RARB: variants seen among roughly 807,000 people sequenced by gnomAD.
The protein encoded by RARB is HBV-activated protein.
A neutral mutation model predicts 51.9 loss-of-function variants in RARB; 17 were observed. The observed-to-expected ratio is 0.33, with a 90% CI of 0.22 to 0.49. The LOEUF (loss-of-function observed/expected upper bound fraction) is 0.49. Ranked by LOEUF, RARB falls within the 20% of genes least tolerant of loss-of-function variation. RARB has a pLI of 0.99. For missense variants in RARB, 369 were observed against 550.8 expected (o/e 0.67, Z 3.30); for synonymous variants, 215 against 195.4 (o/e 1.10, Z -0.84).
chr3:24,874,102 A>G (rs991493187), intron 2 of RARB, among the ~76,000 whole-genome samples: 6 of 151,976 alleles, frequency 3.9e-5, no homozygotes, highest in Admixed American at 6.6e-5. Flanking sequence ...TGCAAATACT[A>G]CTCCATAGGA....
intron 2 of RARB, among the ~76,000 whole-genome samples, chr3:24,879,707 A>G (rs1703119477): frequency 6.6e-6 from 1 of 152,080 alleles, no homozygotes; most frequent in African/African-American, 2.4e-5. Context: ...GGGATTTAGG[A>G]TCACCGTGGC....
At chr3:24,867,037 A>C (rs1441377075) in intron 2 of RARB, among the ~76,000 whole-genome samples, 1 of 152,064 alleles carries the variant, frequency 6.6e-6, no homozygotes, top group Non-Finnish European at 1.5e-5. Context: ...TATGCAAAAA[A>C]CGTGAAAAGG....
At chr3:24,966,485 A>G (rs1169599868) in intron 2 of RARB, among the ~76,000 whole-genome samples, 1 of 152,056 alleles carries the variant, frequency 6.6e-6, no homozygotes, top group Non-Finnish European at 1.5e-5. Context: ...TTCCCTGGTG[A>G]TATTTTATGG....
At chr3:24,872,069 A>G (rs1208099305) in intron 2 of RARB, among the ~76,000 whole-genome samples, 2 of 152,170 alleles carry the variant, frequency 1.3e-5, no homozygotes, top group Non-Finnish European at 2.9e-5. Flanking sequence ...AAGTTAGGTC[A>G]TGACACTTCT....
At chr3:25,218,679 G>T (rs1408557940) in intron 5 of RARB, among the ~76,000 whole-genome samples, 1 of 152,158 alleles carries the variant, frequency 6.6e-6, no homozygotes, top group Non-Finnish European at 1.5e-5. Flanking sequence ...TTGCTATAGG[G>T]TTTGACCATA....
Position 25,069,670 on chromosome 3 carries a change from G to A in RARB, c.-328+9494G>A, listed in dbSNP as rs370173707. Among the ~76,000 whole-genome samples the A allele has an allele frequency of 5.3e-5, 8 of 152,118 alleles. No individual in the cohort carries two copies. In the East Asian group the frequency reaches 5.8e-4, roughly 11 times the overall value. On this transcript the variant is annotated intron_variant, in intron 3 of 11. Coordinates refer to the RARB transcript ENST00000383772. Reference sequence around the variant, plus strand: ...CTCCTTGTGTATACACTGTCACAGCGTTTTATCTGGCATATGTCAAGAACA... The same window carrying A: ...CTCCTTGTGTATACACTGTCACAGCATTTTATCTGGCATATGTCAAGAACA...
chr3:24,966,242 G>T (rs1386735274), intron 2 of RARB, among the ~76,000 whole-genome samples: 1 of 146,940 alleles, frequency 6.8e-6, no homozygotes, highest in African/African-American at 2.4e-5. Context: ...ACTAGAAGGA[G>T]GGGGAGGTGA....
chr3:25,249,244 T>C (rs1405517768), intron 5 of RARB, among the ~76,000 whole-genome samples: 2 of 152,150 alleles, frequency 1.3e-5, no homozygotes, highest in Admixed American at 6.5e-5. Context: ...GTATTTTGTA[T>C]GGCATTTGGT....
At chr3:25,186,662 A>G (rs1169698320) in intron 5 of RARB, among the ~76,000 whole-genome samples, 1 of 152,138 alleles carries the variant, frequency 6.6e-6, no homozygotes, top group Non-Finnish European at 1.5e-5. Flanking sequence ...AATGAATGAA[A>G]TGATAATGAA....
intron 3 of RARB, among the ~76,000 whole-genome samples, chr3:25,117,223 T>A (rs1039713526): frequency 1.3e-5 from 2 of 152,118 alleles, no homozygotes; most frequent in African/African-American, 4.8e-5. Flanking sequence ...AAATCAAATA[T>A]GATAATCTAC....
chr3:25,083,431 T>G (rs1210551587), intron 3 of RARB, among the ~76,000 whole-genome samples: 1 of 80,642 alleles, frequency 1.2e-5, no homozygotes, highest in Non-Finnish European at 2.3e-5. Context: ...CTGCTAATGT[T>G]CATCCAGTGA....
chr3:25,449,039 G>GA (rs1388955101), intron 1 of RARB, among the ~76,000 whole-genome samples: 1 of 152,106 alleles, frequency 6.6e-6, no homozygotes, highest in Non-Finnish European at 1.5e-5. Context: ...TTGGTTAAGG[G>GA]AGTATATGTG....
exon 1 of RARB, among the ~76,000 whole-genome samples, chr3:24,829,344 G>A (rs1702248582): frequency 6.6e-6 from 1 of 152,012 alleles, no homozygotes. Flanking sequence ...GGCGGCGGCA[G>A]GGGCTGAGGG....
intron 5 of RARB, among the ~76,000 whole-genome samples, chr3:25,298,880 C>T (rs116557838): frequency 0.045 from 6,914 of 152,152 alleles, 160 homozygotes; most frequent in Non-Finnish European, 0.051. Flanking sequence ...GGGTTGGGAG[C>T]CAGATGTGAT....
At chr3:25,082,192 T>C (rs2125313434) in intron 3 of RARB, among the ~76,000 whole-genome samples, 1 of 152,244 alleles carries the variant, frequency 6.6e-6, no homozygotes, top group African/African-American at 2.4e-5. Context: ...AGTGTAGAAG[T>C]GGAACTTACC....
chr3:25,426,916 G>T (rs1204474082), upstream of RARB, among the ~76,000 whole-genome samples: 1 of 152,060 alleles, frequency 6.6e-6, no homozygotes, highest in Non-Finnish European at 1.5e-5. Context: ...CTGTAGGTTG[G>T]GTCAGTGTGA....
At chr3:25,200,397 G>T (rs1279181249) in intron 5 of RARB, among the ~76,000 whole-genome samples, 1 of 151,884 alleles carries the variant, frequency 6.6e-6, no homozygotes, top group Non-Finnish European at 1.5e-5. Context: ...TAGGTTGCCT[G>T]TTCACTCTGA....
chr3:25,349,732 A>G (rs1705502165), intron 5 of RARB, among the ~76,000 whole-genome samples: 2 of 152,334 alleles, frequency 1.3e-5, no homozygotes, highest in African/African-American at 4.8e-5. Context: ...TAATTTTGAA[A>G]TTGAAAGTCA....
At chr3:24,968,715 A>G (rs947112482) in intron 2 of RARB, among the ~76,000 whole-genome samples, 2 of 152,124 alleles carry the variant, frequency 1.3e-5, no homozygotes, top group Non-Finnish European at 2.9e-5. Flanking sequence ...ACAGGAAGAC[A>G]GGGCAAGTCC....
Sources: gnomAD v4.1 joint callset for allele counts (sites outside exome capture counted in the v4.1 genomes callset) on GRCh38, gnomAD v4.1.1 for gene constraint, MANE v1.5 for transcripts, NCBI Gene and HGNC (gene_info 2026-07-23, HGNC 2026-07-21) for gene names.